Variants in MCMBP observed in about 807,000 individuals in gnomAD.
The protein encoded by MCMBP is mini-chromosome maintenance complex-binding protein.
A neutral mutation model predicts 81.3 loss-of-function variants in MCMBP; 31 were observed. That is an observed-to-expected ratio of 0.38 (90% CI 0.29 to 0.51). The LOEUF (loss-of-function observed/expected upper bound fraction) is 0.51, where lower values mean the gene tolerates loss of function less well. MCMBP is among the 20% of genes least tolerant of loss of function. The probability of loss-of-function intolerance (pLI) is 0.87; values close to 1 mark genes in which losing one functional copy is unlikely to be tolerated. For missense variants in MCMBP, 645 were observed against 772.1 expected (o/e 0.84, Z 1.95); for synonymous variants, 267 against 275.9 (o/e 0.97, Z 0.32).
rs1351498858 is a variant in MCMBP, at chr10:119,853,162, A to G, written c.462T>C (p.Ser154=). The G allele has an allele frequency of 1.2e-6, 2 of 1,613,972 alleles. No homozygotes were observed. Among genetic ancestry groups the G allele is most frequent in the African/African-American group, 2.7e-5 (2 of 74,912 alleles). ...AYVNANQARV[S]PSTSYTPSRH... is the part of the protein sequence containing the mutation. ...GACTAGGAGTGTAGGATGTTGAGGG[A>G]CTGACTCGAGCTTGGTTTGCATTAA... The change falls in exon 6 of 16, where the codon AGT becomes AGC. Residue 154 remains serine (S), a synonymous_variant. Coordinates refer to ENST00000369077, the MANE Select transcript of MCMBP (RefSeq NM_001256378.2).
At chr10:119,839,121 A>G (rs574618994) in intron 11 of MCMBP, among the ~76,000 whole-genome samples, 2 of 152,366 alleles carry the variant, frequency 1.3e-5, no homozygotes, top group African/African-American at 4.8e-5. Context: ...TTAAAATTGT[A>G]TTCATTTATC....
rs1175299310 is a variant in MCMBP at position 119,831,520 on chromosome 10, C to G, written c.1877G>C (p.Arg626Thr). ...LRAKQLESLRRTRLQQQKCVN... is the reference protein window; with the variant it reads ...LRAKQLESLRTTRLQQQKCVN... ...ACATTTTTGCTGCTGAAGCCTCGTTCTTCTTAAAGACTCTAGCTGCTTTGC... is the reference window on the plus strand; with the variant it reads ...ACATTTTTGCTGCTGAAGCCTCGTTGTTCTTAAAGACTCTAGCTGCTTTGC... The change falls in exon 16 of 16, where the codon AGA becomes ACA. Residue 626 changes from arginine to threonine, a missense_variant. Arg to Thr is a moderately conservative substitution (Grantham distance 71). Coordinates refer to ENST00000369077, the MANE Select transcript of MCMBP (RefSeq NM_001256378.2). The G allele has an allele frequency of 3.1e-6, 5 of 1,613,942 alleles. No individual in the cohort carries two copies. The African/African-American group carries it at 5.3e-5, about 17-fold the overall frequency.
At chr10:119,840,820 A>G (rs753682137) in intron 11 of MCMBP, 23 bp downstream of exon 11, 1 of 1,390,416 alleles carries the variant, frequency 7.2e-7, no homozygotes, top group Non-Finnish European at 1.0e-6. Context: ...TAGGTTTATA[A>G]TACATATTTA....
intron 6 of MCMBP, among the ~76,000 whole-genome samples, chr10:119,852,267 G>C (rs540982112): frequency 1.7e-4 from 25 of 151,024 alleles, no homozygotes; most frequent in African/African-American, 6.1e-4. Flanking sequence ...TCTGATTAAA[G>C]GTGCTGAAGG....
chr10:119,856,791 A>T (rs556229483), intron 5 of MCMBP, among the ~76,000 whole-genome samples: 8 of 152,250 alleles, frequency 5.3e-5, no homozygotes, highest in Non-Finnish European at 1.2e-4. Context: ...ATTTGAAACT[A>T]TTTTTTTACT....
intron 6 of MCMBP, among the ~76,000 whole-genome samples, chr10:119,851,565 TGG>T (rs1422169283): frequency 6.6e-6 from 1 of 152,106 alleles, no homozygotes; most frequent in East Asian, 1.9e-4. Context: ...CCCAAACAGC[TGG>T]GATTACAGGC....
At chr10:119,836,781 T>TAAAAAAAA in intron 13 of MCMBP, 115 bp downstream of exon 13, 1 of 141,332 alleles carries the variant, frequency 7.1e-6, no homozygotes, top group Non-Finnish European at 1.1e-5. Context: ...TTTTTTTTTT[T>TAAAAAAAA]TTTTTTTTTT....
chr10:119,841,423 T>C (rs1469712787), intron 10 of MCMBP, among the ~76,000 whole-genome samples: 1 of 152,214 alleles, frequency 6.6e-6, no homozygotes, highest in Admixed American at 6.5e-5. Context: ...CCTGCAACTT[T>C]ATAATAGAGA....
intron 8 of MCMBP, 67 bp from the exon 9 acceptor site, chr10:119,843,493 A>G (rs939052287): frequency 1.3e-5 from 20 of 1,496,578 alleles, no homozygotes; most frequent in Non-Finnish European, 1.8e-5. Context: ...AATAATGTGC[A>G]TCTTGGAAAA....
At chr10:119,838,466 A>C in intron 12 of MCMBP, 69 bp downstream of exon 12, 1 of 1,477,686 alleles carries the variant, frequency 6.8e-7, no homozygotes. Context: ...ACTCTTCTAA[A>C]AGTTATTCCT....
At chr10:119,833,487 AG>A (rs1852122485) in intron 14 of MCMBP, among the ~76,000 whole-genome samples, 1 of 151,724 alleles carries the variant, frequency 6.6e-6, no homozygotes, top group African/African-American at 2.4e-5. Context: ...AAAAAAAAAA[AG>A]AAAGAAAAAA....
intron 6 of MCMBP, among the ~76,000 whole-genome samples, chr10:119,850,307 G>C (rs1852764041): frequency 6.6e-6 from 1 of 152,196 alleles, no homozygotes; most frequent in Admixed American, 6.5e-5. Flanking sequence ...AGAGACCAGT[G>C]GTTGCTAGGG....
In MCMBP at chr10:119,831,441, G is replaced by GTT. The variant is rs1352522463; in HGVS notation, c.*31_*32dup. ...TGAATTTTACAATTATGTGGCTACA[G>GTT]TTTGCCCATTACTCTTCATAGGTAT... On this transcript the variant is annotated 3_prime_UTR_variant, in exon 16 of 16. Transcript: ENST00000369077. The GTT allele has an allele frequency of 6.2e-7, 1 of 1,611,058 alleles. No individual in the cohort carries two copies. Among genetic ancestry groups the GTT allele is most frequent in the Admixed American group, 1.7e-5 (1 of 59,654 alleles).
Position 119,842,655 on chromosome 10 carries a change from A to G in MCMBP, c.1001-60T>C, listed in dbSNP as rs1852473902. On this transcript the variant is annotated intron_variant, in intron 9 of 15. Transcript: ENST00000369077. ...CACTCCAGTTCCTCTCAAGTGTCTT[A>G]GGTAAAAAAATAACTACGTGAGCAA... 6 of 1,557,006 alleles carry G rather than the reference A, an allele frequency of 3.9e-6. No individual in the cohort carries two copies. In the South Asian group the frequency reaches 6.1e-5, roughly 16 times the overall value.
intron 12 of MCMBP, among the ~76,000 whole-genome samples, chr10:119,838,272 TTATA>T (rs567879463): frequency 6.7e-6 from 1 of 148,220 alleles, no homozygotes; most frequent in African/African-American, 2.5e-5. Context: ...ACATTATATA[TTATA>T]TATGATATAT....
chr10:119,832,935 C>T (rs1249640067), intron 14 of MCMBP, among the ~76,000 whole-genome samples: 2 of 152,136 alleles, frequency 1.3e-5, no homozygotes, highest in East Asian at 3.9e-4. Flanking sequence ...GTATGTAACT[C>T]CTAGGAACTC....
chr10:119,862,943 T>G (rs1021606019), intron 1 of MCMBP, among the ~76,000 whole-genome samples: 1 of 152,382 alleles, frequency 6.6e-6, no homozygotes. Context: ...GCCATCCTTG[T>G]ATCCTATCTG....
chr10:119,849,164 A>C (rs1852721692), intron 7 of MCMBP, among the ~76,000 whole-genome samples: 1 of 152,214 alleles, frequency 6.6e-6, no homozygotes, highest in Non-Finnish European at 1.5e-5. Context: ...AGGAGCCACA[A>C]GGCCAAGGAA....
chr10:119,837,206 C>G (rs527618989), intron 12 of MCMBP, among the ~76,000 whole-genome samples, 177 bp from the exon 13 acceptor site: 44 of 152,200 alleles, frequency 2.9e-4, no homozygotes, highest in African/African-American at 1.1e-3. Context: ...CAGTCTTGGT[C>G]AAGGTAGAAC....
Sources: gnomAD v4.1 joint callset for allele counts (sites outside exome capture counted in the v4.1 genomes callset) on GRCh38, gnomAD v4.1.1 for gene constraint, MANE v1.5 for transcripts, NCBI Gene and HGNC (gene_info 2026-07-23, HGNC 2026-07-21) for gene names.